The following ETS2 variants were observed in gnomAD, a reference collection of about 807,000 sequenced individuals.
ETS2 encodes the protein ETS proto-oncogene 2, transcription factor, also known as protein C-ets-2.
ETS2 carries 19 observed loss-of-function variants against 54.9 expected under a neutral mutation model. That is an observed-to-expected ratio of 0.35 (90% confidence interval 0.24 to 0.51). The LOEUF (loss-of-function observed/expected upper bound fraction) is 0.51. Ranked by LOEUF, ETS2 falls within the 20% of genes least tolerant of loss-of-function variation. The probability of loss-of-function intolerance (pLI) is 0.97; values close to 1 mark genes in which losing one functional copy is unlikely to be tolerated. For missense variants in ETS2, 417 were observed against 593.0 expected, an observed-to-expected ratio of 0.70 and a Z score of 3.08; for synonymous variants, 219 against 229.3, an observed-to-expected ratio of 0.95 and a Z score of 0.41.
intron 8 of ETS2, 32 bp downstream of exon 8, chr21:38,819,798 C>CA: frequency 6.3e-7 from 1 of 1,595,216 alleles, no homozygotes; most frequent in Non-Finnish European, 8.5e-7. Flanking sequence ...CCTGGCCGCC[C>CA]AGTCTCCTGG....
In ETS2 at chr21:38,806,120, G is replaced by GCA. The variant is rs1215505510; in HGVS notation, c.-1_-1+1insCA. The GCA allele has an allele frequency of 2.9e-6, 3 of 1,041,622 alleles. No homozygotes were observed. Among genetic ancestry groups the GCA allele is most frequent in the Non-Finnish European group, 1.2e-6 (1 of 865,252 alleles). 64.5% of individuals were successfully genotyped at this position (1,041,622 alleles called of 1,614,324 possible). On this transcript the variant is annotated splice_region_variant and 5_prime_UTR_variant. Transcript: ENST00000360938. The surrounding 1 kb of genome is among the most constrained non-coding windows in gnomAD (Gnocchi z 4.3). ...GCGCCGGCCCTGCCCGCAGCGGCAGGGTAAGAGCTGGGCCCGCAGAGAGCG... is the reference window on the plus strand; with the variant it reads ...GCGCCGGCCCTGCCCGCAGCGGCAGGCAGTAAGAGCTGGGCCCGCAGAGAGCG...
In ETS2 at chr21:38,823,496, T is replaced by C. The variant is rs922721171; in HGVS notation, c.*607T>C. Reference sequence around the variant, plus strand: ...TTATTTCATTTTTCAATAGCACATATGGAATTTTGCAAAGATTTAATCTGC... The same window carrying C: ...TTATTTCATTTTTCAATAGCACATACGGAATTTTGCAAAGATTTAATCTGC... On this transcript the variant is annotated 3_prime_UTR_variant, in exon 10 of 10. Transcript: ENST00000360938. The C allele has an allele frequency of 2.0e-5, 3 of 152,472 alleles. No homozygotes were observed. The highest frequency in any genetic ancestry group is 2.1e-4 in the South Asian group (1 of 4,836). The allele number at this position is 152,472 out of a possible 1,614,324, so 9.4% of individuals were successfully genotyped here. A position where few individuals can be genotyped will look rare whatever the true frequency, so the allele number is the denominator to read the frequency against.
At chr21:38,805,246 C>T (rs981795777), upstream of ETS2, 9 of 958,718 alleles carry the variant, frequency 9.4e-6, no homozygotes, top group African/African-American at 1.6e-4. The surrounding 1 kb of genome is among the most constrained non-coding windows in gnomAD (Gnocchi z 5.2). Context: ...CACCACGACT[C>T]GGGGACACAG....
chr21:38,806,199 C>A lies in ETS2; in HGVS notation c.-1+79C>A, dbSNP rs2060892161. The A allele has an allele frequency of 1.2e-5, 12 of 992,648 alleles. No individual in the cohort carries two copies. The highest frequency in any genetic ancestry group is 1.3e-5 in the Non-Finnish European group (11 of 835,312). 61.5% of individuals were successfully genotyped at this position (992,648 alleles called of 1,614,324 possible). A position where few individuals can be genotyped will look rare whatever the true frequency, so the allele number is the denominator to read the frequency against. On this transcript the variant is annotated intron_variant, in intron 1 of 9. Coordinates refer to ENST00000360938, the MANE Select transcript of ETS2 (RefSeq NM_005239.6). The surrounding 1 kb of genome is among the most constrained non-coding windows in gnomAD (Gnocchi z 4.3). The stretch of plus-strand genomic sequence containing the variant: ...GGTCACCCGGGGCCTGGGCGGGGGT[C>A]GCGGGGGGCACTGACACGCAGATCT...
Position 38,814,535 on chromosome 21 carries a change from G to A in ETS2, c.304+143G>A. On this transcript the variant is annotated intron_variant, in intron 4 of 9. Coordinates refer to ENST00000360938, the MANE Select transcript of ETS2 (RefSeq NM_005239.6). This position sits in a 1 kb window ranked among gnomAD's most constrained non-coding sequence, Gnocchi z 4.2. ...ATGTCGTTAACCTGAGCCAGTTTCT[G>A]TTTCACCCCAATCAACCCAAGACTT... 2 of 1,056,830 alleles carry A rather than the reference G, an allele frequency of 1.9e-6. No homozygotes were observed. The highest frequency in any genetic ancestry group is 2.6e-5 in the Admixed American group (1 of 39,062). The allele number at this position is 1,056,830 out of a possible 1,614,324, so 65.5% of individuals were successfully genotyped here. A position where few individuals can be genotyped will look rare whatever the true frequency, so the allele number is the denominator to read the frequency against.
chr21:38,812,530 C>T (rs2060917525), intron 2 of ETS2, among the ~76,000 whole-genome samples: 1 of 152,212 alleles, frequency 6.6e-6, no homozygotes, highest in Admixed American at 6.5e-5. Flanking sequence ...CCTGTAATCC[C>T]AGCACTTTGG....
chr21:38,822,755 G>C lies in ETS2; in HGVS notation c.1276G>C (p.Asp426His). 1 of 1,614,164 alleles carries C rather than the reference G, an allele frequency of 6.2e-7. No homozygotes were observed. Among genetic ancestry groups the C allele is most frequent in the African/African-American group, 1.3e-5 (1 of 75,054 alleles). The change falls in exon 10 of 10, where the codon GAC (aspartate) becomes CAC (histidine). Residue 426 changes from aspartate to histidine, a missense_variant. Asp to His is a moderately conservative substitution (Grantham distance 81). Coordinates refer to ENST00000360938, the MANE Select transcript of ETS2 (RefSeq NM_005239.6). Reference protein sequence around the residue: ...KLSRGLRYYYDKNIIHKTSGK... With the variant: ...KLSRGLRYYYHKNIIHKTSGK... ...GAGCCGGGGCTTACGCTACTATTAC[G>C]ACAAGAACATCATCCACAAGACGTC...
chr21:38,823,808 A>G lies in ETS2; in HGVS notation c.*919A>G, dbSNP rs1244704110. On this transcript the variant is annotated 3_prime_UTR_variant, in exon 10 of 10. Transcript: ENST00000360938. ...CAGTATTTTTCTTGACAAATGGCAT[A>G]TGTTTTCCACTTCTTTGCATGCGTT... The G allele has an allele frequency of 6.6e-6, 1 of 152,574 alleles. No homozygotes were observed. Among genetic ancestry groups the G allele is most frequent in the African/African-American group, 2.4e-5 (1 of 41,442 alleles). 9.5% of individuals were successfully genotyped at this position (152,574 alleles called of 1,614,324 possible).
intron 5 of ETS2, 75 bp downstream of exon 5, chr21:38,815,056 G>A: frequency 6.8e-7 from 1 of 1,461,574 alleles, no homozygotes; most frequent in Non-Finnish European, 9.5e-7. Context: ...AAAGTCACGT[G>A]GGTGTTCTTC....
intron 2 of ETS2, among the ~76,000 whole-genome samples, chr21:38,812,575 G>A (rs1189338519): frequency 6.6e-6 from 1 of 152,222 alleles, no homozygotes; most frequent in African/African-American, 2.4e-5. Context: ...GAGGTCAGGA[G>A]TTTGAGACCA....
intron 1 of ETS2, chr21:38,809,494 G>A (rs184674081): frequency 1.7e-4 from 26 of 152,684 alleles, no homozygotes; most frequent in African/African-American, 5.8e-4. Flanking sequence ...CCCTTCCCTG[G>A]GTGTGTGCTT....
At position 38,819,832 on chromosome 21, in the gene ETS2, A is replaced by G. The variant is rs139052331; in HGVS notation, c.1075+66A>G. ...GGGTCCTGTCCCTTGCTTCCTTTCGAGCCACAGTACCACATTCACCGAGGG... is the reference window on the plus strand; with the variant it reads ...GGGTCCTGTCCCTTGCTTCCTTTCGGGCCACAGTACCACATTCACCGAGGG... On this transcript the variant is annotated intron_variant, in intron 8 of 9. Coordinates refer to ENST00000360938, the MANE Select transcript of ETS2 (RefSeq NM_005239.6). 3.7e-4 allele frequency: 561 copies of G among 1,496,108 alleles called. 4 individuals carry two copies. In the African/African-American group the frequency reaches 7.1e-3, roughly 19 times the overall value. The allele number at this position is 1,496,108 out of a possible 1,614,324, so 92.7% of individuals were successfully genotyped here.
Position 38,821,174 on chromosome 21 carries a change from AC to A in ETS2, c.1076-407del, listed in dbSNP as rs1301212511. On this transcript the variant is annotated intron_variant, in intron 8 of 9. Coordinates refer to ENST00000360938, the MANE Select transcript of ETS2 (RefSeq NM_005239.6). This position sits in a 1 kb window ranked among gnomAD's most constrained non-coding sequence, Gnocchi z 4.2. Reference sequence around the variant, plus strand: ...TCTGTGATGAAACACCCCCTCAGCCACCCCCATCTCTGCCCCACTGGGTGTT... The same window carrying A: ...TCTGTGATGAAACACCCCCTCAGCCACCCCATCTCTGCCCCACTGGGTGTT... 1.3e-5 allele frequency among the ~76,000 whole-genome samples: 2 copies of A among 151,804 alleles called. No homozygotes were observed. Among genetic ancestry groups the A allele is most frequent in the Non-Finnish European group, 2.9e-5 (2 of 67,954 alleles).
chr21:38,823,679 G>C lies in ETS2; in HGVS notation c.*790G>C, dbSNP rs1332767896. The C allele has an allele frequency of 6.6e-6, 1 of 152,576 alleles. No homozygotes were observed. Among genetic ancestry groups the C allele is most frequent in the African/African-American group, 2.4e-5 (1 of 41,408 alleles). 9.5% of individuals were successfully genotyped at this position (152,576 alleles called of 1,614,324 possible). A position where few individuals can be genotyped will look rare whatever the true frequency, so the allele number is the denominator to read the frequency against. ...TTTCTTGCCTTGGTTGTCTGGCAAG[G>C]ACTTTGTACATTTGGGAGTTTTTAT... is the stretch of plus-strand genomic sequence containing the variant. On this transcript the variant is annotated 3_prime_UTR_variant, in exon 10 of 10. Transcript: ENST00000360938.
chr21:38,806,429 C>T lies in ETS2; in HGVS notation c.-1+309C>T, dbSNP rs2123402391. On this transcript the variant is annotated intron_variant, in intron 1 of 9. Transcript: ENST00000360938. This position sits in a 1 kb window ranked among gnomAD's most constrained non-coding sequence, Gnocchi z 4.3. ...GCGGCCAGGGCGCGCTGGCTTGTTTCGCTCGCTTTTGTTTTTAAAAGGAAA... is the reference window on the plus strand; with the variant it reads ...GCGGCCAGGGCGCGCTGGCTTGTTTTGCTCGCTTTTGTTTTTAAAAGGAAA... 1.0e-6 allele frequency: 1 copy of T among 985,552 alleles called. No homozygotes were observed. The highest frequency in any genetic ancestry group is 1.2e-6 in the Non-Finnish European group (1 of 830,056). The allele number at this position is 985,552 out of a possible 1,614,324, so 61.1% of individuals were successfully genotyped here.
chr21:38,809,462 G>C (rs1407904795), intron 1 of ETS2, among the ~76,000 whole-genome samples: 1 of 152,184 alleles, frequency 6.6e-6, no homozygotes, highest in Non-Finnish European at 1.5e-5. Context: ...AAGGGGGTTT[G>C]GTCTTCAGTT....
At chr21:38,805,259 A>C, upstream of ETS2, 5 of 1,032,292 alleles carry the variant, frequency 4.8e-6, no homozygotes, top group Non-Finnish European at 6.3e-6. This position sits in a 1 kb window ranked among gnomAD's most constrained non-coding sequence, Gnocchi z 5.2. Context: ...GGACACAGCC[A>C]GGGCCCGGTT....
In ETS2 at chr21:38,818,498, G is replaced by A. The variant is rs1182274965; in HGVS notation, c.663G>A (p.Met221Ile). The A allele has an allele frequency of 1.2e-6, 2 of 1,614,078 alleles. No homozygotes were observed. Among genetic ancestry groups the A allele is most frequent in the South Asian group, 1.1e-5 (1 of 91,084 alleles). The change falls in exon 7 of 10, where the codon ATG becomes ATA. Residue 221 changes from methionine to isoleucine, a missense_variant. Met to Ile is a conservative substitution (Grantham distance 10). Transcript: ENST00000360938. ...CCAAAGGCGGCCTCCTGGACAGCATGTGTCCGGCCTCCACACCCAGCGTAC... is the reference window on the plus strand; with the variant it reads ...CCAAAGGCGGCCTCCTGGACAGCATATGTCCGGCCTCCACACCCAGCGTAC... The part of the protein sequence containing the change: ...NYPKGGLLDS[M>I]CPASTPSVLS...
rs931790211 is a variant in ETS2, at chr21:38,806,596, C to T, written c.-1+476C>T. 1.0e-6 allele frequency: 1 copy of T among 985,162 alleles called. No individual in the cohort carries two copies. The highest frequency in any genetic ancestry group is 6.2e-5 in the Admixed American group (1 of 16,258). The allele number at this position is 985,162 out of a possible 1,614,324, so 61.0% of individuals were successfully genotyped here. The stretch of plus-strand genomic sequence containing the variant: ...TGACTTCCTGGAGCGGCGCCGGGCC[C>T]GGAGGATCTGGGGCGCCCAAGACAC... On this transcript the variant is annotated intron_variant, in intron 1 of 9. Coordinates refer to ENST00000360938, the MANE Select transcript of ETS2 (RefSeq NM_005239.6). This position sits in a 1 kb window ranked among gnomAD's most constrained non-coding sequence, Gnocchi z 4.3.
Sources: allele counts gnomAD v4.1 joint callset (sites outside exome capture counted in the v4.1 genomes callset), GRCh38; gene constraint gnomAD v4.1.1; non-coding constraint Gnocchi (gnomAD v3.1); transcripts MANE v1.5; gene names NCBI Gene and HGNC (gene_info 2026-07-23, HGNC 2026-07-21).